The following ING2 variants were observed in gnomAD, a reference collection of about 807,000 sequenced individuals.
ING2 encodes the protein inhibitor of growth protein 2.
ING2 carries 7 observed loss-of-function variants against 30.6 expected under a neutral mutation model. That is an observed-to-expected ratio of 0.23 (90% CI 0.13 to 0.43). The LOEUF is 0.43. ING2 is among the 20% of genes least tolerant of loss of function. The probability of loss-of-function intolerance (pLI) is 1.00; values close to 1 mark genes in which losing one functional copy is unlikely to be tolerated. For synonymous variants in ING2, 136 were observed against 121.7 expected (o/e 1.12, Z -0.78); for missense variants, 239 against 334.9 (o/e 0.71, Z 2.24).
In ING2 at chr4:183,510,553, T is replaced by C; in HGVS notation, c.444T>C (p.Ser148=). The change falls in exon 2 of 2, where the codon TCT becomes TCC. Residue 148 remains serine, a synonymous_variant. Coordinates refer to ENST00000302327, the MANE Select transcript of ING2 (RefSeq NM_001564.4). ...AKMDSSQPER[S]SRRPRRQRTS... ...TGGATTCCAGCCAACCAGAAAGATC[T>C]TCAAGAAGACCCCGCAGGCAGCGGA... is the stretch of plus-strand genomic sequence containing the variant. 1 of 1,614,074 alleles carries C rather than the reference T, an allele frequency of 6.2e-7. No homozygotes were observed. Among genetic ancestry groups the C allele is most frequent in the South Asian group, 1.1e-5 (1 of 91,086 alleles).
Position 183,511,562 on chromosome 4 carries a change from G to A in ING2, c.*610G>A, listed in dbSNP as rs1734821603. Among the ~76,000 whole-genome samples the A allele has an allele frequency of 6.6e-6, 1 of 152,190 alleles. No homozygotes were observed. The highest frequency in any genetic ancestry group is 2.1e-4 in the South Asian group (1 of 4,832). On this transcript the variant is annotated 3_prime_UTR_variant, in exon 2 of 2. Coordinates refer to ENST00000302327, the MANE Select transcript of ING2 (RefSeq NM_001564.4). ...GTAGCATTTTGATCCACTGTCAGTA[G>A]CCCATTTGTCAATGCCTTGCTGCTG... is the stretch of plus-strand genomic sequence containing the variant.
At position 183,509,280 on chromosome 4, in the gene ING2, A is replaced by G. The variant is rs76742714; in HGVS notation, c.173-1002A>G. On this transcript the variant is annotated intron_variant, in intron 1 of 1. Transcript: ENST00000302327. ...TAAACACAGTTGGGCAGTAATCTGT[A>G]GCCTAGTCCTGTAACCTTTTCAAGT... Among the ~76,000 whole-genome samples the G allele has an allele frequency of 6.6e-3, 1,011 of 152,340 alleles. 11 individuals carry two copies. The highest frequency in any genetic ancestry group is 0.023 in the African/African-American group (973 of 41,578).
intron 1 of ING2, chr4:183,506,210 C>T: frequency 4.6e-6 from 6 of 1,303,346 alleles, no homozygotes; most frequent in Non-Finnish European, 6.1e-6. Flanking sequence ...CCAGCGGAGT[C>T]CGAATCGGGG....
chr4:183,508,206 T>C (rs1734723744), intron 1 of ING2, among the ~76,000 whole-genome samples: 1 of 152,014 alleles, frequency 6.6e-6, no homozygotes, highest in Admixed American at 6.6e-5. Flanking sequence ...GCTGAGTAAA[T>C]GTTAATTTCT....
Position 183,510,566 on chromosome 4 carries a change from C to T in ING2, c.457C>T (p.Arg153Cys), listed in dbSNP as rs758484286. 4 of 1,613,978 alleles carry T rather than the reference C, an allele frequency of 2.5e-6. No homozygotes were observed. The highest frequency in any genetic ancestry group is 1.7e-5 in the Admixed American group (1 of 60,016). Reference sequence around the variant, plus strand: ...ACCAGAAAGATCTTCAAGAAGACCCCGCAGGCAGCGGACCAGTGAAAGCCG... The same window carrying T: ...ACCAGAAAGATCTTCAAGAAGACCCTGCAGGCAGCGGACCAGTGAAAGCCG... ...SQPERSSRRP[R>C]RQRTSESRDL... The change falls in exon 2 of 2, where the codon CGC (arginine) becomes TGC (cysteine). Residue 153 changes from arginine (R) to cysteine (C), a missense_variant. This residue lies in a region of ING2 where 115 missense variants were observed against 120.1 expected (regional missense o/e 0.96). Transcript: ENST00000302327.
In ING2 at chr4:183,510,411, T is replaced by C. The variant is rs1254643535; in HGVS notation, c.302T>C (p.Ile101Thr). The C allele has an allele frequency of 6.2e-7, 1 of 1,614,078 alleles. No individual in the cohort carries two copies. Among genetic ancestry groups the C allele is most frequent in the Non-Finnish European group, 8.5e-7 (1 of 1,180,016 alleles). ...INSQELGDEK[I>T]QIVTQMLELV... is the part of the protein sequence containing the mutation. The stretch of plus-strand genomic sequence containing the variant: ...AGTCAAGAATTGGGAGATGAAAAAA[T>C]ACAGATTGTTACACAAATGCTCGAA... Residue 101 changes from isoleucine (I) to threonine (T), a missense_variant, in exon 2 of 2, where the codon ATA becomes ACA. Transcript: ENST00000302327.
At position 183,505,363 on chromosome 4, in the gene ING2, T is replaced by C. The variant is rs1734609381; in HGVS notation, c.168T>C (p.Tyr56=). Residue 56 remains tyrosine (Y), a synonymous_variant, in exon 1 of 2, where the codon TAT becomes TAC. Coordinates refer to ENST00000302327, the MANE Select transcript of ING2 (RefSeq NM_001564.4). ...TGCTGCGAGAGCTGGACAACAAATA[T>C]CAAGGTAGGAGCCGCGGGGCTGCCG... The part of the protein sequence containing the change: ...VSVLRELDNK[Y]QETLKEIDDV... 2 of 1,535,238 alleles carry C rather than the reference T, an allele frequency of 1.3e-6. No individual in the cohort carries two copies. Among genetic ancestry groups the C allele is most frequent in the Non-Finnish European group, 1.8e-6 (2 of 1,140,174 alleles).
Position 183,505,190 on chromosome 4 carries a change from G to T in ING2, c.-6G>T. 6.3e-7 allele frequency: 1 copy of T among 1,595,728 alleles called. No homozygotes were observed. The highest frequency in any genetic ancestry group is 8.5e-7 in the Non-Finnish European group (1 of 1,172,878). On this transcript the variant is annotated 5_prime_UTR_variant, in exon 1 of 2. Transcript: ENST00000302327. The stretch of plus-strand genomic sequence containing the variant: ...GGAGGCGGCGGCGACGGCGCGGATC[G>T]GCAGGATGTTAGGGCAGCAGCAGCA...
rs776801487 is a variant in ING2, at chr4:183,505,195, G to C, written c.-1G>C. ...CGGCGGCGACGGCGCGGATCGGCAGGATGTTAGGGCAGCAGCAGCAGCAAC... is the reference window on the plus strand; with the variant it reads ...CGGCGGCGACGGCGCGGATCGGCAGCATGTTAGGGCAGCAGCAGCAGCAAC... On this transcript the variant is annotated 5_prime_UTR_variant, in exon 1 of 2. Transcript: ENST00000302327. The C allele has an allele frequency of 1.3e-6, 2 of 1,597,480 alleles. No homozygotes were observed. Among genetic ancestry groups the C allele is most frequent in the Non-Finnish European group, 1.7e-6 (2 of 1,173,678 alleles).
intron 1 of ING2, among the ~76,000 whole-genome samples, chr4:183,509,508 C>G (rs915293192): frequency 1.3e-5 from 2 of 150,756 alleles, no homozygotes; most frequent in African/African-American, 4.9e-5. Context: ...TGCAGTGGCG[C>G]GATCTCGGCT....
chr4:183,506,879 C>T lies in ING2; in HGVS notation c.172+1512C>T, dbSNP rs145674079. ...TACAGATTACAAAGAGTTCAAGTAA[C>T]TCGTCCAGTTAATTCGATGTAGAAT... On this transcript the variant is annotated intron_variant, in intron 1 of 1. Transcript: ENST00000302327. Among the ~76,000 whole-genome samples the T allele has an allele frequency of 7.2e-4, 110 of 152,274 alleles. 1 individual carries two copies. Among genetic ancestry groups the T allele is most frequent in the African/African-American group, 2.5e-3 (104 of 41,552 alleles).
Position 183,505,105 on chromosome 4 carries a change from G to C in ING2, c.-91G>C, listed in dbSNP as rs1273348513. ...GCGGCTGCGGGGTCCCCGCGGCGCC[G>C]GGCTGCTGAGCTGAGGGCCCGCGGC... On this transcript the variant is annotated 5_prime_UTR_variant, in exon 1 of 2. Transcript: ENST00000302327. 7 of 1,276,658 alleles carry C rather than the reference G, an allele frequency of 5.5e-6. No homozygotes were observed. Among genetic ancestry groups the C allele is most frequent in the Non-Finnish European group, 7.0e-6 (7 of 995,490 alleles). The allele number at this position is 1,276,658 out of a possible 1,614,324, so 79.1% of individuals were successfully genotyped here. A position where few individuals can be genotyped will look rare whatever the true frequency, so the allele number is the denominator to read the frequency against.
chr4:183,505,555 G>A (rs912791831), intron 1 of ING2, among the ~76,000 whole-genome samples, 188 bp downstream of exon 1: 5 of 151,908 alleles, frequency 3.3e-5, no homozygotes, highest in Non-Finnish European at 7.4e-5. Flanking sequence ...CTTCTCTGGG[G>A]TCCCCAGAGT....
chr4:183,511,920 C>G lies in ING2; in HGVS notation c.*968C>G, dbSNP rs996925788. 2.0e-5 allele frequency among the ~76,000 whole-genome samples: 3 copies of G among 152,164 alleles called. No individual in the cohort carries two copies. The highest frequency in any genetic ancestry group is 4.4e-5 in the Non-Finnish European group (3 of 68,026). The stretch of plus-strand genomic sequence containing the variant: ...TGTTCATTTCTGTCCCAATCAGTGA[C>G]TATTTTAAATAATAGTGTATTTACT... On this transcript the variant is annotated 3_prime_UTR_variant, in exon 2 of 2. Transcript: ENST00000302327.
At position 183,505,067 on chromosome 4, in the gene ING2, C is replaced by T. The variant is rs1734598461; in HGVS notation, c.-129C>T. On this transcript the variant is annotated 5_prime_UTR_variant, in exon 1 of 2. Transcript: ENST00000302327. Reference sequence around the variant, plus strand: ...GGGAGTGGAGATCGGGGAGCGCGGCCGTGCCCTCTCGAGCGGCTGCGGGGT... The same window carrying T: ...GGGAGTGGAGATCGGGGAGCGCGGCTGTGCCCTCTCGAGCGGCTGCGGGGT... The T allele has an allele frequency of 2.5e-6, 2 of 794,350 alleles. No homozygotes were observed. The highest frequency in any genetic ancestry group is 1.7e-6 in the Non-Finnish European group (1 of 579,988). 49.2% of individuals were successfully genotyped at this position (794,350 alleles called of 1,614,324 possible).
At chr4:183,508,209 T>G (rs1734723811) in intron 1 of ING2, among the ~76,000 whole-genome samples, 1 of 152,138 alleles carries the variant, frequency 6.6e-6, no homozygotes, top group African/African-American at 2.4e-5. Flanking sequence ...GAGTAAATGT[T>G]AATTTCTTGT....
rs900076324 is a variant in ING2 at position 183,511,912 on chromosome 4, A to G, written c.*960A>G. 8.5e-5 allele frequency among the ~76,000 whole-genome samples: 13 copies of G among 152,208 alleles called. 1 individual carries two copies. Among genetic ancestry groups the G allele is most frequent in the Admixed American group, 7.2e-4 (11 of 15,280 alleles). Reference sequence around the variant, plus strand: ...GTGGTTATTGTTCATTTCTGTCCCAATCAGTGACTATTTTAAATAATAGTG... The same window carrying G: ...GTGGTTATTGTTCATTTCTGTCCCAGTCAGTGACTATTTTAAATAATAGTG... On this transcript the variant is annotated 3_prime_UTR_variant, in exon 2 of 2. Coordinates refer to ENST00000302327, the MANE Select transcript of ING2 (RefSeq NM_001564.4).
intron 1 of ING2, among the ~76,000 whole-genome samples, chr4:183,507,681 T>G (rs1229055490): frequency 1.3e-5 from 2 of 152,210 alleles, no homozygotes; most frequent in Non-Finnish European, 2.9e-5. Flanking sequence ...CTTTCACAGT[T>G]TTATGTTTAT....
At chr4:183,509,456 T>G (rs1385102863) in intron 1 of ING2, among the ~76,000 whole-genome samples, 1 of 151,960 alleles carries the variant, frequency 6.6e-6, no homozygotes, top group East Asian at 1.9e-4. Flanking sequence ...TCCTTTTTTT[T>G]TTTTTTTGAG....
Sources: gnomAD v4.1 joint callset for allele counts (sites outside exome capture counted in the v4.1 genomes callset) on GRCh38, gnomAD v4.1.1 for gene constraint, gnomAD v4.1.1 regional missense constraint, MANE v1.5 for transcripts, NCBI Gene and HGNC (gene_info 2026-07-23, HGNC 2026-07-21) for gene names.